The following TASP1 variants were observed in gnomAD, a reference collection of about 807,000 sequenced individuals.
TASP1 encodes taspase 1, also known as threonine aspartase 1.
TASP1 carries 16 observed loss-of-function variants against 56.6 expected under a neutral mutation model. The observed-to-expected ratio is 0.28, with a 90% CI of 0.19 to 0.43. The LOEUF is 0.43. TASP1 is among the 20% of genes least tolerant of loss of function. The pLI is 1.00. For missense variants in TASP1, 393 were observed against 511.6 expected (o/e 0.77, Z 2.24); for synonymous variants, 179 against 184.2 (o/e 0.97, Z 0.23).
chr20:13,120,655 G>A, the TASP1 span, among the ~76,000 whole-genome samples: 6 of 152,198 alleles, frequency 3.9e-5, no homozygotes, highest in Middle Eastern at 3.2e-3. Context: ...GATGAGACAT[G>A]TAATGAAACA....
chr20:13,212,406 T>G, the TASP1 span, among the ~76,000 whole-genome samples: 1 of 152,328 alleles, frequency 6.6e-6, no homozygotes, highest in East Asian at 1.9e-4. Context: ...AGGGATTGTT[T>G]GTTATAGCAA....
At chr20:13,493,440 G>A (rs1458578953) in intron 10 of TASP1, among the ~76,000 whole-genome samples, 1 of 152,134 alleles carries the variant, frequency 6.6e-6, no homozygotes, top group Non-Finnish European at 1.5e-5. Flanking sequence ...TTGTTTGCTG[G>A]GTCTTCTGGC....
intron 11 of TASP1, among the ~76,000 whole-genome samples, chr20:13,439,269 A>G (rs2043131325): frequency 6.6e-6 from 1 of 152,218 alleles, no homozygotes; most frequent in Admixed American, 6.5e-5. Context: ...ATGTCCATCA[A>G]TGATAGACTG....
chr20:13,243,949 T>G, the TASP1 span: 1 of 152,194 alleles, frequency 6.6e-6, no homozygotes, highest in African/African-American at 2.4e-5. Flanking sequence ...GTTTGCTTAG[T>G]GGAATGAGGA....
At chr20:13,431,359 A>C (rs1280328837) in intron 12 of TASP1, among the ~76,000 whole-genome samples, 3 of 152,178 alleles carry the variant, frequency 2.0e-5, no homozygotes, top group Admixed American at 2.0e-4. Context: ...CTTGATCTTG[A>C]TGACTGAAAT....
At chr20:13,522,200 GT>G (rs1178263209) in intron 10 of TASP1, among the ~76,000 whole-genome samples, 2 of 152,178 alleles carry the variant, frequency 1.3e-5, no homozygotes, top group Admixed American at 6.6e-5. Context: ...CATTAGGACT[GT>G]GGCTTTCCCA....
chr20:13,390,228 G>C lies in TASP1; in HGVS notation c.*132C>G. 2.6e-6 allele frequency: 2 copies of C among 770,136 alleles called. No homozygotes were observed. The highest frequency in any genetic ancestry group is 3.4e-5 in the South Asian group (2 of 58,576). 47.7% of individuals were successfully genotyped at this position (770,136 alleles called of 1,614,324 possible). ...AAGCGCTAACTACAGCAGCACTTGTGTCTCGAGCAGTGCACGAGGTTGCAA... is the reference window on the plus strand; with the variant it reads ...AAGCGCTAACTACAGCAGCACTTGTCTCTCGAGCAGTGCACGAGGTTGCAA... On this transcript the variant is annotated 3_prime_UTR_variant, in exon 14 of 14. Transcript: ENST00000337743.
the TASP1 span, among the ~76,000 whole-genome samples, chr20:13,198,804 TTC>T: frequency 7.1e-4 from 28 of 39,170 alleles, no homozygotes; most frequent in East Asian, 0.016. Context: ...CTTTCTTTCT[TTC>T]TTTCTTTCTT....
intron 5 of TASP1, among the ~76,000 whole-genome samples, chr20:13,581,739 A>G (rs1601330629): frequency 6.6e-6 from 1 of 152,206 alleles, no homozygotes; most frequent in African/African-American, 2.4e-5. Context: ...GTGGAAGGCA[A>G]TCAAAGTAAC....
chr20:13,388,958 TA>T (rs1275524524), downstream of TASP1, among the ~76,000 whole-genome samples: 1 of 152,224 alleles, frequency 6.6e-6, no homozygotes, highest in Admixed American at 6.5e-5. Context: ...GAGCCATGAT[TA>T]CATGGTGCAG....
the TASP1 span, among the ~76,000 whole-genome samples, chr20:13,357,807 A>G: frequency 1.3e-5 from 2 of 152,238 alleles, no homozygotes; most frequent in Non-Finnish European, 2.9e-5. Context: ...AAGAAAATTA[A>G]TGATCTACTA....
At chr20:13,433,824 A>T (rs1416483602) in intron 12 of TASP1, among the ~76,000 whole-genome samples, 1 of 146,606 alleles carries the variant, frequency 6.8e-6, no homozygotes, top group Non-Finnish European at 1.5e-5. Flanking sequence ...CCCGTGGATG[A>T]CCTATAGTGT....
chr20:13,257,444 G>A, the TASP1 span, among the ~76,000 whole-genome samples: 2 of 152,148 alleles, frequency 1.3e-5, no homozygotes, highest in African/African-American at 4.8e-5. Flanking sequence ...TTGAACCTGG[G>A]AGGTGAAGGT....
chr20:13,369,171 T>G, the TASP1 span, among the ~76,000 whole-genome samples: 1 of 152,054 alleles, frequency 6.6e-6, no homozygotes, highest in Non-Finnish European at 1.5e-5. Context: ...AAGGGCTAGG[T>G]GCAATGGCTC....
the TASP1 span, among the ~76,000 whole-genome samples, chr20:13,216,900 C>T: frequency 6.6e-6 from 1 of 152,076 alleles, no homozygotes; most frequent in African/African-American, 2.4e-5. Flanking sequence ...CTGAAAGGGA[C>T]ACACATTAAT....
intron 11 of TASP1, among the ~76,000 whole-genome samples, chr20:13,449,907 A>G (rs190155917): frequency 7.2e-5 from 11 of 152,252 alleles, no homozygotes; most frequent in African/African-American, 2.2e-4. Flanking sequence ...ATTGTACAAC[A>G]TATCAGTGCA....
the TASP1 span, among the ~76,000 whole-genome samples, chr20:13,251,285 A>T: frequency 5.4e-4 from 83 of 152,312 alleles, no homozygotes; most frequent in African/African-American, 2.0e-3. Context: ...GAATTCTGGC[A>T]GTGGATAAGT....
the TASP1 span, among the ~76,000 whole-genome samples, chr20:13,317,289 G>C: frequency 6.7e-6 from 1 of 148,328 alleles, no homozygotes; most frequent in Non-Finnish European, 1.5e-5. Context: ...TCTCTGATGA[G>C]AGAAATCAAA....
At chr20:13,375,258 G>T in the TASP1 span, among the ~76,000 whole-genome samples, 1 of 135,668 alleles carries the variant, frequency 7.4e-6, no homozygotes, top group Non-Finnish European at 1.5e-5. Flanking sequence ...AACAGGCTCT[G>T]GTATGTGATG....
Sources: gnomAD v4.1 joint callset for allele counts (sites outside exome capture counted in the v4.1 genomes callset) on GRCh38, gnomAD v4.1.1 for gene constraint, MANE v1.5 for transcripts, NCBI Gene and HGNC (gene_info 2026-07-23, HGNC 2026-07-21) for gene names.